KATNAL2: variants seen among roughly 807,000 people sequenced by gnomAD.
The protein encoded by KATNAL2 is katanin p60 ATPase-containing subunit A-like 2.
KATNAL2 carries 52 observed loss-of-function variants against 76.3 expected under a neutral mutation model. That is an observed-to-expected ratio of 0.68 (90% confidence interval 0.55 to 0.86). The LOEUF is 0.86. Among genes scored for constraint, KATNAL2 ranks in the 40% least tolerant of loss-of-function variants. KATNAL2 has a pLI of 0.00. For synonymous variants in KATNAL2, 243 were observed against 244.2 expected, an observed-to-expected ratio of 1.00 and a Z score of 0.05; for missense variants, 660 against 668.9, an observed-to-expected ratio of 0.99 and a Z score of 0.15.
intron 1 of KATNAL2, among the ~76,000 whole-genome samples, chr18:46,939,485 C>T (rs1232290738): frequency 6.6e-6 from 1 of 151,994 alleles, no homozygotes; most frequent in Non-Finnish European, 1.5e-5. Context: ...CACTAATAGC[C>T]AAAACCCATA....
At chr18:47,086,335 G>C (rs2062770676) in intron 15 of KATNAL2, among the ~76,000 whole-genome samples, 1 of 152,022 alleles carries the variant, frequency 6.6e-6, no homozygotes. Flanking sequence ...TGGAGACAGA[G>C]TCTCGCTCTG....
In KATNAL2 at chr18:47,058,397, A is replaced by C. The variant is rs745580247; in HGVS notation, c.450+45A>C. On this transcript the variant is annotated intron_variant, in intron 7 of 17. Transcript: ENST00000683218. Reference sequence around the variant, plus strand: ...ACTTTGTGAACAGCACACTTGGCTGAAAAATAGCCCTATGAAAAAGGTCAC... The same window carrying C: ...ACTTTGTGAACAGCACACTTGGCTGCAAAATAGCCCTATGAAAAAGGTCAC... 8.4e-6 allele frequency: 9 copies of C among 1,071,204 alleles called. No homozygotes were observed. In the South Asian group the frequency reaches 9.4e-5, roughly 11 times the overall value. The allele number at this position is 1,071,204 out of a possible 1,614,324, so 66.4% of individuals were successfully genotyped here.
chr18:46,927,878 G>A (rs182175118), intron 1 of KATNAL2, among the ~76,000 whole-genome samples: 59 of 151,916 alleles, frequency 3.9e-4, no homozygotes, highest in African/African-American at 1.2e-3. Context: ...TGATTGCATC[G>A]GCTACTGAGC....
chr18:46,941,626 C>G (rs992087736), intron 1 of KATNAL2, among the ~76,000 whole-genome samples: 1 of 152,088 alleles, frequency 6.6e-6, no homozygotes, highest in East Asian at 1.9e-4. Context: ...GAGACAGGGT[C>G]TCACTCCTGT....
At chr18:46,961,465 G>T (rs1261349706) in intron 3 of KATNAL2, among the ~76,000 whole-genome samples, 2 of 152,196 alleles carry the variant, frequency 1.3e-5, no homozygotes, top group African/African-American at 4.8e-5. Flanking sequence ...ATAAACAAAG[G>T]TAGCAACAAA....
intron 4 of KATNAL2, among the ~76,000 whole-genome samples, chr18:47,046,893 C>A (rs1002000584): frequency 7.9e-5 from 12 of 152,148 alleles, no homozygotes; most frequent in African/African-American, 2.9e-4. Flanking sequence ...CCCTAAAAAT[C>A]CCCTGTGCAC....
chr18:47,041,371 CG>C (rs1569067431), intron 3 of KATNAL2, among the ~76,000 whole-genome samples: 1 of 152,146 alleles, frequency 6.6e-6, no homozygotes, highest in Non-Finnish European at 1.5e-5. Context: ...CCTTCCTCCC[CG>C]CAACCCCTGG....
chr18:47,096,728 T>C (rs1270785328), intron 15 of KATNAL2, among the ~76,000 whole-genome samples: 2 of 152,158 alleles, frequency 1.3e-5, no homozygotes, highest in Admixed American at 6.5e-5. Flanking sequence ...AGATGATCTA[T>C]TGATAATAGG....
Position 46,959,161 on chromosome 18 carries a change from A to G in KATNAL2, c.51+12238A>G, listed in dbSNP as rs114241115. Among the ~76,000 whole-genome samples the G allele has an allele frequency of 5.3e-3, 813 of 152,364 alleles. 6 individuals carry two copies. The highest frequency in any genetic ancestry group is 0.019 in the African/African-American group (787 of 41,594). ...CAAATGTTCAAACATTTAAGCATCT[A>G]TTGAAATACCAATAGCTATAAAAAA... On this transcript the variant is annotated intron_variant, in intron 3 of 17. Transcript: ENST00000683218.
intron 1 of KATNAL2, among the ~76,000 whole-genome samples, chr18:46,929,089 C>T (rs1599322416): frequency 6.6e-6 from 1 of 152,192 alleles, no homozygotes; most frequent in East Asian, 1.9e-4. Context: ...AGCCACTGTG[C>T]CCGGCTTTGC....
At chr18:47,077,308 A>G (rs999113939) in intron 14 of KATNAL2, 43 bp from the exon 15 acceptor site, 1 of 1,451,260 alleles carries the variant, frequency 6.9e-7, no homozygotes, top group African/African-American at 1.4e-5. Context: ...CATGAGGGCG[A>G]AGGCTCTGAC....
At chr18:47,033,395 T>G (rs2060582004) in intron 3 of KATNAL2, 2 of 1,614,182 alleles carry the variant, frequency 1.2e-6, no homozygotes, top group Non-Finnish European at 1.7e-6. Flanking sequence ...CGGATATTCG[T>G]TGTCATTACT....
chr18:47,034,773 A>G, intron 3 of KATNAL2: 1 of 1,612,616 alleles, frequency 6.2e-7, no homozygotes, highest in Non-Finnish European at 8.5e-7. Flanking sequence ...AGCGGCCGGA[A>G]TCAGCTGGGG....
At chr18:47,099,483 A>C in intron 16 of KATNAL2, 78 bp downstream of exon 16, 2 of 1,345,828 alleles carry the variant, frequency 1.5e-6, no homozygotes, top group Middle Eastern at 4.1e-4. Context: ...TCTTACCATG[A>C]GCTGATAGAA....
At chr18:47,033,535 A>G (rs999934305) in intron 3 of KATNAL2, 2 of 1,613,992 alleles carry the variant, frequency 1.2e-6, no homozygotes, top group Non-Finnish European at 1.7e-6. Context: ...CTCTCTAACG[A>G]GTGCGTGATT....
At chr18:46,929,516 T>G (rs2058840039) in intron 1 of KATNAL2, among the ~76,000 whole-genome samples, 1 of 152,106 alleles carries the variant, frequency 6.6e-6, no homozygotes, top group Non-Finnish European at 1.5e-5. Flanking sequence ...GTGCTGGGAT[T>G]GCAGGCATGG....
At chr18:47,035,783 G>T (rs190444683) in intron 3 of KATNAL2, among the ~76,000 whole-genome samples, 117 of 152,312 alleles carry the variant, frequency 7.7e-4, no homozygotes, top group Non-Finnish European at 1.6e-4. Flanking sequence ...TTCCATGTTC[G>T]CAGGTTCCAC....
At chr18:47,031,807 T>C (rs2060469911) in intron 3 of KATNAL2, among the ~76,000 whole-genome samples, 2 of 152,180 alleles carry the variant, frequency 1.3e-5, no homozygotes, top group South Asian at 4.1e-4. Context: ...TTACTGGCAG[T>C]GTCACATCCC....
intron 4 of KATNAL2, among the ~76,000 whole-genome samples, chr18:47,048,215 A>G (rs117320106): frequency 3.8e-3 from 578 of 152,334 alleles, no homozygotes; most frequent in Non-Finnish European, 6.9e-3. Flanking sequence ...TTAGAGCAAG[A>G]AAAACCAATC....
Sources: gnomAD v4.1 joint callset for allele counts (sites outside exome capture counted in the v4.1 genomes callset) on GRCh38, gnomAD v4.1.1 for gene constraint, MANE v1.5 for transcripts, NCBI Gene and HGNC (gene_info 2026-07-23, HGNC 2026-07-21) for gene names.